CCSER1: variants seen among roughly 807,000 people sequenced by gnomAD.
CCSER1 encodes the protein coiled-coil serine rich protein 1.
CCSER1 carries 41 observed loss-of-function variants against 82.0 expected under a neutral mutation model. The observed-to-expected ratio is 0.50, with a 90% confidence interval of 0.39 to 0.65. The LOEUF is 0.65. CCSER1 is among the 30% of genes least tolerant of loss of function. The pLI, the probability that CCSER1 is intolerant of heterozygous loss-of-function variation, is 0.00. For missense variants in CCSER1, 1,119 were observed against 1,064.2 expected, an observed-to-expected ratio of 1.05 and a Z score of -0.72; for synonymous variants, 414 against 383.9, an observed-to-expected ratio of 1.08 and a Z score of -0.92.
chr4:90,638,236 G>C (rs1186316063), intron 6 of CCSER1, among the ~76,000 whole-genome samples: 1 of 152,046 alleles, frequency 6.6e-6, no homozygotes, highest in Non-Finnish European at 1.5e-5. Context: ...TAAATTTTAA[G>C]ATAATAATTT....
intron 10 of CCSER1, among the ~76,000 whole-genome samples, chr4:91,107,143 C>T (rs2148864302): frequency 6.6e-6 from 1 of 152,202 alleles, no homozygotes; most frequent in Admixed American, 6.5e-5. Flanking sequence ...ATGTTTGTAG[C>T]CTGAGAACAA....
intron 10 of CCSER1, among the ~76,000 whole-genome samples, chr4:91,152,709 G>A (rs1429736683): frequency 6.6e-6 from 1 of 152,148 alleles, no homozygotes; most frequent in Non-Finnish European, 1.5e-5. Context: ...TGTAAGGCAG[G>A]CCTTGTAGTG....
chr4:91,220,596 A>G (rs889900763), intron 10 of CCSER1, among the ~76,000 whole-genome samples: 1 of 152,182 alleles, frequency 6.6e-6, no homozygotes, highest in South Asian at 2.1e-4. Context: ...TTCTTTGTGT[A>G]AGTAGTTTAC....
chr4:91,003,253 G>C (rs1469533999), intron 9 of CCSER1, among the ~76,000 whole-genome samples: 1 of 152,132 alleles, frequency 6.6e-6, no homozygotes, highest in Non-Finnish European at 1.5e-5. Context: ...GTAGTATGGG[G>C]AGGAAGAAGT....
intron 9 of CCSER1, among the ~76,000 whole-genome samples, chr4:90,967,400 G>C (rs1013024469): frequency 1.3e-5 from 2 of 151,826 alleles, no homozygotes; most frequent in Non-Finnish European, 2.9e-5. Context: ...AGTGAGCTGA[G>C]ATCACAGCAA....
chr4:91,142,098 A>G lies in CCSER1; in HGVS notation c.2217+56104A>G, dbSNP rs1240911901. On this transcript the variant is annotated intron_variant, in intron 10 of 10. Transcript: ENST00000509176. The stretch of plus-strand genomic sequence containing the variant: ...ATGGTTTTGTTGTGTCCCCACCCAT[A>G]TTTCACCTTGAATTGTAATAATCCC... Among the ~76,000 whole-genome samples the G allele has an allele frequency of 2.6e-5, 4 of 152,110 alleles. No individual in the cohort carries two copies. In the East Asian group the frequency reaches 7.7e-4, roughly 29 times the overall value.
intron 9 of CCSER1, among the ~76,000 whole-genome samples, chr4:90,949,465 G>A (rs1732649593): frequency 6.6e-6 from 1 of 152,102 alleles, no homozygotes; most frequent in South Asian, 2.1e-4. Context: ...TGTAGGGTGT[G>A]TCACAATGAT....
chr4:90,783,822 C>A (rs1754125105), intron 7 of CCSER1, among the ~76,000 whole-genome samples: 1 of 151,942 alleles, frequency 6.6e-6, no homozygotes, highest in Non-Finnish European at 1.5e-5. Context: ...AAGACACAGC[C>A]CAGGGATACA....
chr4:91,290,014 G>T (rs1428539577), intron 10 of CCSER1, among the ~76,000 whole-genome samples: 1 of 151,970 alleles, frequency 6.6e-6, no homozygotes, highest in South Asian at 2.1e-4. Flanking sequence ...ACAAAGACAG[G>T]ATTATAGTAG....
At position 90,948,848 on chromosome 4, in the gene CCSER1, A is replaced by G. The variant is rs549983092; in HGVS notation, c.2172+25401A>G. Among the ~76,000 whole-genome samples the G allele has an allele frequency of 4.6e-5, 7 of 152,158 alleles. No individual in the cohort carries two copies. The East Asian group carries it at 1.2e-3, about 25-fold the overall frequency. ...TTTATTCAAGAAATGTTTACTAAAAACTTACAGTGTGTTGGGTCCTTAGGC... is the reference window on the plus strand; with the variant it reads ...TTTATTCAAGAAATGTTTACTAAAAGCTTACAGTGTGTTGGGTCCTTAGGC... On this transcript the variant is annotated intron_variant, in intron 9 of 10. Coordinates refer to ENST00000509176, the MANE Select transcript of CCSER1 (RefSeq NM_001145065.2).
At chr4:90,316,184 G>T (rs974438808) in intron 3 of CCSER1, among the ~76,000 whole-genome samples, 1 of 152,132 alleles carries the variant, frequency 6.6e-6, no homozygotes, top group African/African-American at 2.4e-5. Context: ...CAAATTTTGC[G>T]AAAGAGGAAA....
intron 9 of CCSER1, among the ~76,000 whole-genome samples, chr4:91,079,943 C>A (rs1366027082): frequency 6.6e-6 from 1 of 152,172 alleles, no homozygotes; most frequent in East Asian, 1.9e-4. Flanking sequence ...TAAAAAGGGA[C>A]TTAGACTCCC....
chr4:90,799,355 C>T (rs1311431420), intron 7 of CCSER1, among the ~76,000 whole-genome samples: 3 of 152,116 alleles, frequency 2.0e-5, no homozygotes, highest in African/African-American at 7.2e-5. Context: ...GGGTGGGGGA[C>T]AGACAGTCTG....
At chr4:91,261,637 A>G (rs372868785) in intron 10 of CCSER1, among the ~76,000 whole-genome samples, 42 of 152,204 alleles carry the variant, frequency 2.8e-4, no homozygotes, top group Non-Finnish European at 5.7e-4. Context: ...TGAGATATAC[A>G]GAATAGGAGT....
intron 1 of CCSER1, among the ~76,000 whole-genome samples, chr4:90,299,058 C>A (rs976784044): frequency 6.6e-6 from 1 of 151,888 alleles, no homozygotes; most frequent in Non-Finnish European, 1.5e-5. Flanking sequence ...ATCAAGATTA[C>A]GTATATAAAT....
chr4:91,234,984 A>C (rs1031681385), intron 10 of CCSER1, among the ~76,000 whole-genome samples: 1 of 152,020 alleles, frequency 6.6e-6, no homozygotes. Flanking sequence ...AGAGGTTAAG[A>C]GTGCCAACTC....
intron 9 of CCSER1, among the ~76,000 whole-genome samples, chr4:91,082,395 A>C (rs1722867923): frequency 6.6e-6 from 1 of 152,238 alleles, no homozygotes; most frequent in Non-Finnish European, 1.5e-5. Flanking sequence ...CTTACACCTT[A>C]TACAAAAATT....
intron 7 of CCSER1, among the ~76,000 whole-genome samples, chr4:90,772,235 G>A (rs559990403): frequency 4.6e-5 from 7 of 152,182 alleles, no homozygotes; most frequent in Admixed American, 3.3e-4. Context: ...TACTGAGATA[G>A]GGAATAATAT....
intron 10 of CCSER1, among the ~76,000 whole-genome samples, chr4:91,458,282 A>G (rs1756308529): frequency 6.6e-6 from 1 of 152,072 alleles, no homozygotes; most frequent in African/African-American, 2.4e-5. Context: ...CCCCCATACA[A>G]GAGCAATGTA....
Sources: gnomAD v4.1 joint callset for allele counts (sites outside exome capture counted in the v4.1 genomes callset) on GRCh38, gnomAD v4.1.1 for gene constraint, MANE v1.5 for transcripts, NCBI Gene and HGNC (gene_info 2026-07-23, HGNC 2026-07-21) for gene names.